Variants in CARMIL1 observed in about 807,000 individuals in gnomAD.
CARMIL1 encodes F-actin-uncapping protein LRRC16A.
A neutral mutation model predicts 177.1 loss-of-function variants in CARMIL1; 90 were observed. The observed-to-expected ratio is 0.51, with a 90% CI of 0.43 to 0.61. The LOEUF (loss-of-function observed/expected upper bound fraction) is 0.61, where lower values mean the gene tolerates loss of function less well. CARMIL1 is among the 20% of genes least tolerant of loss of function. The probability of loss-of-function intolerance (pLI) is 0.00; values close to 1 mark genes in which losing one functional copy is unlikely to be tolerated. For synonymous variants in CARMIL1, 577 were observed against 606.2 expected, an observed-to-expected ratio of 0.95 and a Z score of 0.71; for missense variants, 1,380 against 1,667.0, an observed-to-expected ratio of 0.83 and a Z score of 3.00.
chr6:25,299,041 T>C (rs1221900306), intron 2 of CARMIL1, among the ~76,000 whole-genome samples: 1 of 147,668 alleles, frequency 6.8e-6, no homozygotes, highest in Non-Finnish European at 1.5e-5. Context: ...TGTGAGCCAC[T>C]GCGCTTGGCC....
intron 11 of CARMIL1, among the ~76,000 whole-genome samples, chr6:25,476,905 G>A (rs531503541): frequency 6.6e-6 from 1 of 151,860 alleles, no homozygotes; most frequent in East Asian, 1.9e-4. Context: ...CCTGGTCAAT[G>A]TGGTGAAACC....
intron 17 of CARMIL1, among the ~76,000 whole-genome samples, chr6:25,504,785 A>G (rs976832456): frequency 6.6e-6 from 1 of 152,218 alleles, no homozygotes; most frequent in African/African-American, 2.4e-5. Flanking sequence ...TATGGGAGGC[A>G]AAAGAGTGAG....
At chr6:25,506,501 G>A (rs1804927905) in intron 17 of CARMIL1, among the ~76,000 whole-genome samples, 1 of 152,198 alleles carries the variant, frequency 6.6e-6, no homozygotes, top group South Asian at 2.1e-4. Flanking sequence ...AGTCGAGATC[G>A]TGCCATTGCA....
intron 13 of CARMIL1, 139 bp downstream of exon 13, chr6:25,488,724 A>T (rs1202681677): frequency 7.1e-6 from 5 of 708,590 alleles, no homozygotes; most frequent in Non-Finnish European, 1.2e-5. Flanking sequence ...TTACGAGCTT[A>T]TGAAGTGTTT....
rs145018906 is a variant in CARMIL1 at position 25,430,503 on chromosome 6, C to G, written c.249+3943C>G. On this transcript the variant is annotated intron_variant, in intron 4 of 36. Transcript: ENST00000329474. ...GGAGTGCAGGGGTGCAATCTCAGCT[C>G]ATGGCAACCTTCGCTTCTCGGGACC... 7.3e-4 allele frequency among the ~76,000 whole-genome samples: 111 copies of G among 151,272 alleles called. 1 individual carries two copies. The highest frequency in any genetic ancestry group is 2.4e-3 in the African/African-American group (97 of 41,188).
intron 8 of CARMIL1, among the ~76,000 whole-genome samples, chr6:25,453,060 AG>A (rs1799141420): frequency 6.6e-6 from 1 of 152,184 alleles, no homozygotes; most frequent in Non-Finnish European, 1.5e-5. Context: ...TGGTTCATTG[AG>A]TTATACATAG....
intron 2 of CARMIL1, among the ~76,000 whole-genome samples, chr6:25,299,867 A>G (rs1459753282): frequency 6.6e-6 from 1 of 151,832 alleles, no homozygotes; most frequent in Non-Finnish European, 1.5e-5. Flanking sequence ...AATCCTAGCT[A>G]CTTGGGAGGC....
intron 8 of CARMIL1, among the ~76,000 whole-genome samples, chr6:25,454,212 A>T (rs568748975): frequency 6.6e-6 from 1 of 152,352 alleles, no homozygotes; most frequent in East Asian, 1.9e-4. Context: ...GGCTGGAAGG[A>T]CATTTGTCAT....
intron 2 of CARMIL1, among the ~76,000 whole-genome samples, chr6:25,302,037 A>T (rs1399506520): frequency 8.2e-6 from 1 of 121,470 alleles, no homozygotes; most frequent in Non-Finnish European, 1.9e-5. Flanking sequence ...GCCTTAAAAA[A>T]ATCATTAAAA....
At chr6:25,525,898 A>C (rs945086474) in intron 23 of CARMIL1, among the ~76,000 whole-genome samples, 13 of 152,290 alleles carry the variant, frequency 8.5e-5, no homozygotes, top group African/African-American at 2.9e-4. Context: ...AAAAAGAAAG[A>C]TAAAAGAAAC....
At chr6:25,349,660 C>T (rs1006688207) in intron 2 of CARMIL1, among the ~76,000 whole-genome samples, 3 of 151,676 alleles carry the variant, frequency 2.0e-5, no homozygotes, top group East Asian at 1.9e-4. Context: ...GGCCCTGAGG[C>T]GGCCCTTCAC....
At chr6:25,386,267 G>A (rs1792148011) in intron 2 of CARMIL1, among the ~76,000 whole-genome samples, 1 of 152,076 alleles carries the variant, frequency 6.6e-6, no homozygotes, top group African/African-American at 2.4e-5. Context: ...TGGGGTGGGT[G>A]GTGAGGACGG....
At chr6:25,314,603 G>C (rs1377638777) in intron 2 of CARMIL1, among the ~76,000 whole-genome samples, 2 of 115,038 alleles carry the variant, frequency 1.7e-5, no homozygotes, top group African/African-American at 8.9e-5. Context: ...CACAATGATA[G>C]TTAAGCTAGT....
chr6:25,476,549 A>G (rs1326727984), intron 11 of CARMIL1, among the ~76,000 whole-genome samples: 1 of 152,208 alleles, frequency 6.6e-6, no homozygotes, highest in Non-Finnish European at 1.5e-5. Flanking sequence ...CATTCAGGCT[A>G]AATACCTGAA....
At chr6:25,508,364 T>C (rs1275844825) in intron 17 of CARMIL1, among the ~76,000 whole-genome samples, 4 of 152,182 alleles carry the variant, frequency 2.6e-5, no homozygotes, top group African/African-American at 4.8e-5. Flanking sequence ...TGTGTAATAC[T>C]CTACTTCAGA....
At chr6:25,445,613 C>A (rs1180053697) in intron 5 of CARMIL1, among the ~76,000 whole-genome samples, 1 of 150,610 alleles carries the variant, frequency 6.6e-6, no homozygotes, top group African/African-American at 2.4e-5. Context: ...CGGCTCACTG[C>A]AAGCTCCGCC....
At chr6:25,572,743 A>G (rs960328610) in intron 29 of CARMIL1, among the ~76,000 whole-genome samples, 1 of 151,292 alleles carries the variant, frequency 6.6e-6, no homozygotes, top group Non-Finnish European at 1.5e-5. Context: ...ACATCAGTAC[A>G]TGAATCACTA....
chr6:25,470,089 G>GT (rs140080889), intron 9 of CARMIL1, among the ~76,000 whole-genome samples: 8,085 of 151,848 alleles, frequency 0.053, 296 homozygotes, highest in African/African-American at 0.095. Context: ...CTACATAATG[G>GT]TTTTTTTGAC....
rs759888545 is a variant in CARMIL1, at chr6:25,491,823, A to G, written c.1143+14A>G. On this transcript the variant is annotated intron_variant, in intron 14 of 36. Transcript: ENST00000329474. ...TCCCTGGACATGGTAAATTTAAAATATATATATATCTTGCTCTGAGGGGTC... is the reference window on the plus strand; with the variant it reads ...TCCCTGGACATGGTAAATTTAAAATGTATATATATCTTGCTCTGAGGGGTC... 6.4e-7 allele frequency: 1 copy of G among 1,561,532 alleles called. No individual in the cohort carries two copies. The highest frequency in any genetic ancestry group is 8.7e-7 in the Non-Finnish European group (1 of 1,145,950).
Sources: gnomAD v4.1 joint callset for allele counts (sites outside exome capture counted in the v4.1 genomes callset) on GRCh38, gnomAD v4.1.1 for gene constraint, MANE v1.5 for transcripts, NCBI Gene and HGNC (gene_info 2026-07-23, HGNC 2026-07-21) for gene names.